CD99L2: variants seen among roughly 807,000 people sequenced by gnomAD.
CD99L2 encodes CD99 antigen-like protein 2.
In CD99L2, 24 loss-of-function variants were observed where a neutral mutation model predicts 27.3. The observed-to-expected ratio is 0.88, with a 90% CI of 0.64 to 1.24. The LOEUF (loss-of-function observed/expected upper bound fraction) is 1.24, where lower values mean the gene tolerates loss of function less well. CD99L2 is among the 50% of genes most tolerant of loss of function. CD99L2 has a pLI of 0.00. For missense variants in CD99L2, 255 were observed against 221.6 expected (o/e 1.15, Z -0.96); for synonymous variants, 97 against 87.9 (o/e 1.10, Z -0.58).
chrX:150,782,428 T>A (rs1178378365), intron 7 of CD99L2, among the ~76,000 whole-genome samples: 1 of 111,431 alleles, frequency 9.0e-6, no homozygotes, highest in Non-Finnish European at 1.9e-5. Flanking sequence ...GGGATGGGAA[T>A]GCCCTCCCTC....
intron 1 of CD99L2, among the ~76,000 whole-genome samples, chrX:150,873,563 AATT>A (rs1488168190): frequency 3.6e-5 from 4 of 112,045 alleles, no homozygotes; most frequent in African/African-American, 1.3e-4. Context: ...ATGGGATGTG[AATT>A]ATATCTCAAT....
At chrX:150,859,007 A>G (rs2048834043) in intron 1 of CD99L2, among the ~76,000 whole-genome samples, 1 of 111,846 alleles carries the variant, frequency 8.9e-6, no homozygotes, top group Admixed American at 9.5e-5. Flanking sequence ...CAAAATCAGA[A>G]CTGAAAAAGG....
At chrX:150,866,570 TAA>T (rs112705100) in intron 1 of CD99L2, among the ~76,000 whole-genome samples, 3 of 106,237 alleles carry the variant, frequency 2.8e-5, no homozygotes, top group African/African-American at 6.8e-5. Context: ...CTGTCTCTAT[TAA>T]AAAAAAAAAT....
At chrX:150,777,800 G>A (rs1198668318) in intron 7 of CD99L2, among the ~76,000 whole-genome samples, 9 of 111,932 alleles carry the variant, frequency 8.0e-5, no homozygotes, top group African/African-American at 2.6e-4. Context: ...TGGTGCAGCT[G>A]CACTAGCGGC....
Position 150,768,023 on chromosome X carries a change from C to T in CD99L2, c.*1011G>A, listed in dbSNP as rs782437252. 2 of 112,292 alleles carry T rather than the reference C, an allele frequency of 1.8e-5. No homozygotes were observed. The highest frequency in any genetic ancestry group is 5.7e-4 in the East Asian group (2 of 3,525). The allele number at this position is 112,292 out of a possible 1,213,427, so 9.3% of individuals were successfully genotyped here. ...CCCTCAGAGCAGACAAGTAGGCTGA[C>T]CACAGAGCTACAAAGTCACCTGCGT... On this transcript the variant is annotated 3_prime_UTR_variant, in exon 11 of 11. Coordinates refer to ENST00000370377, the MANE Select transcript of CD99L2 (RefSeq NM_031462.4).
intron 4 of CD99L2, among the ~76,000 whole-genome samples, chrX:150,810,827 G>A (rs1470901491): frequency 8.9e-6 from 1 of 111,738 alleles, no homozygotes; most frequent in Non-Finnish European, 1.9e-5. Flanking sequence ...ATTGACAAAA[G>A]TATGCCAATA....
intron 10 of CD99L2, among the ~76,000 whole-genome samples, chrX:150,769,532 C>T (rs781838178): frequency 1.2e-4 from 14 of 112,382 alleles, no homozygotes; most frequent in South Asian, 1.1e-3. Context: ...CACTGCCACC[C>T]GTCTTCAGCA....
intron 2 of CD99L2, among the ~76,000 whole-genome samples, chrX:150,826,200 G>C (rs1178449151): frequency 9.0e-6 from 1 of 111,582 alleles, no homozygotes; most frequent in African/African-American, 3.3e-5. Context: ...CCTTGATCTT[G>C]GACTTCCCAG....
intron 9 of CD99L2, among the ~76,000 whole-genome samples, chrX:150,771,355 G>A (rs112273108): frequency 0.012 from 1,321 of 112,732 alleles, 20 homozygotes; most frequent in African/African-American, 0.038. Flanking sequence ...AGGTGTGGCC[G>A]GCCCCACGCA....
At chrX:150,847,298 A>C (rs2046717671) in intron 1 of CD99L2, among the ~76,000 whole-genome samples, 1 of 111,753 alleles carries the variant, frequency 8.9e-6, no homozygotes, top group Non-Finnish European at 1.9e-5. Context: ...GGGAAGTGTG[A>C]GTCTACCAAC....
intron 2 of CD99L2, among the ~76,000 whole-genome samples, chrX:150,824,881 C>T: frequency 9.0e-6 from 1 of 111,594 alleles, no homozygotes; most frequent in Admixed American, 9.5e-5. Context: ...GAAGTCTTTC[C>T]CTTAAAATGA....
chrX:150,873,147 A>T (rs2047181866), intron 1 of CD99L2, among the ~76,000 whole-genome samples: 1 of 112,548 alleles, frequency 8.9e-6, no homozygotes, highest in African/African-American at 3.2e-5. Context: ...TCCTCGAATG[A>T]GGTGGCTGCA....
chrX:150,896,419 A>T (rs1275129969), intron 1 of CD99L2, among the ~76,000 whole-genome samples: 8 of 112,369 alleles, frequency 7.1e-5, no homozygotes, highest in Non-Finnish European at 9.4e-5. Flanking sequence ...TTAATTAATT[A>T]AAAATAATTT....
At chrX:150,882,155 T>C (rs2047340066) in intron 1 of CD99L2, among the ~76,000 whole-genome samples, 1 of 111,092 alleles carries the variant, frequency 9.0e-6, no homozygotes, top group Non-Finnish European at 1.9e-5. Flanking sequence ...GCTCCTCATA[T>C]ACTCAGCACA....
At chrX:150,835,872 G>T (rs782233560) in intron 1 of CD99L2, among the ~76,000 whole-genome samples, 4 of 111,641 alleles carry the variant, frequency 3.6e-5, no homozygotes, top group Admixed American at 1.9e-4. Flanking sequence ...GGAGCCCACA[G>T]CTCCACTGAT....
chrX:150,853,170 C>T (rs903597356), intron 1 of CD99L2, among the ~76,000 whole-genome samples: 1 of 111,819 alleles, frequency 8.9e-6, no homozygotes, highest in African/African-American at 3.3e-5. Context: ...GACACAAGAA[C>T]ACACGTAAGT....
At chrX:150,853,572 G>A (rs2046825180) in intron 1 of CD99L2, among the ~76,000 whole-genome samples, 1 of 111,807 alleles carries the variant, frequency 8.9e-6, no homozygotes, top group African/African-American at 3.3e-5. Context: ...CAGCAGTCAA[G>A]GCCAGTCAGT....
intron 4 of CD99L2, among the ~76,000 whole-genome samples, chrX:150,805,011 C>T (rs1201481782): frequency 1.8e-5 from 2 of 111,538 alleles, no homozygotes; most frequent in African/African-American, 6.5e-5. Flanking sequence ...CATGGTGAGA[C>T]CCTGTCTCTA....
chrX:150,826,970 C>T (rs1557420940), intron 2 of CD99L2, among the ~76,000 whole-genome samples: 4 of 111,210 alleles, frequency 3.6e-5, no homozygotes. Context: ...CCCATCACCC[C>T]CTTGAATTTG....
Sources: gnomAD v4.1 joint callset for allele counts (sites outside exome capture counted in the v4.1 genomes callset) on GRCh38, gnomAD v4.1.1 for gene constraint, MANE v1.5 for transcripts, NCBI Gene and HGNC (gene_info 2026-07-23, HGNC 2026-07-21) for gene names.